Variants in BTG4 observed in about 807,000 individuals in gnomAD.
BTG4 encodes the protein protein BTG4.
BTG4 carries 10 observed loss-of-function variants against 19.3 expected under a neutral mutation model. The observed-to-expected ratio is 0.52, with a 90% CI of 0.32 to 0.88. The LOEUF (loss-of-function observed/expected upper bound fraction) is 0.88, where lower values mean the gene tolerates loss of function less well. BTG4 is among the 40% of genes least tolerant of loss of function. The pLI, the probability that BTG4 is intolerant of heterozygous loss-of-function variation, is 0.04. For synonymous variants in BTG4, 91 were observed against 95.7 expected (o/e 0.95, Z 0.29); for missense variants, 238 against 281.9 (o/e 0.84, Z 1.11).
chr11:111,499,343 G>C (rs1000340503), intron 1 of BTG4, among the ~76,000 whole-genome samples: 1 of 152,162 alleles, frequency 6.6e-6, no homozygotes, highest in Non-Finnish European at 1.5e-5. Context: ...TCGTGAGTTC[G>C]AGGCTGAAGT....
chr11:111,480,199 T>A (rs903298939), intron 5 of BTG4, among the ~76,000 whole-genome samples: 1 of 152,220 alleles, frequency 6.6e-6, no homozygotes, highest in Admixed American at 6.5e-5. Flanking sequence ...GCTATATTAA[T>A]ATCAGATAAA....
At chr11:111,491,948 C>T (rs1321530497), downstream of BTG4, among the ~76,000 whole-genome samples, 1 of 151,666 alleles carries the variant, frequency 6.6e-6, no homozygotes, top group Non-Finnish European at 1.5e-5. Flanking sequence ...TATATTTTTT[C>T]CCCTACACAT....
rs1280999198 is a variant in BTG4, at chr11:111,495,323, A to C, written c.511-9T>G. On this transcript the variant is annotated splice_polypyrimidine_tract_variant and intron_variant, in intron 4 of 4. Coordinates refer to ENST00000692032, the MANE Select transcript of BTG4 (RefSeq NM_001367975.1). The stretch of plus-strand genomic sequence containing the variant: ...TGTTTCAAGTTTTCAACCTGGAAAA[A>C]AAAAGTATAAAGATCTCTAATAAGC... 6.2e-7 allele frequency: 1 copy of C among 1,605,790 alleles called. No individual in the cohort carries two copies. Among genetic ancestry groups the C allele is most frequent in the Non-Finnish European group, 8.5e-7 (1 of 1,174,592 alleles).
the BTG4 span, among the ~76,000 whole-genome samples, chr11:111,445,667 A>C: frequency 1.1e-3 from 166 of 152,276 alleles, no homozygotes; most frequent in African/African-American, 3.6e-3. Context: ...TTTAATTTAA[A>C]CTTCAACCTG....
chr11:111,433,789 G>T, the BTG4 span, among the ~76,000 whole-genome samples: 1 of 152,114 alleles, frequency 6.6e-6, no homozygotes. Flanking sequence ...TAGCCAACAG[G>T]CATATGAAAA....
upstream of BTG4, chr11:111,514,632 C>A (rs528590148): frequency 1.6e-4 from 103 of 629,224 alleles, no homozygotes; most frequent in South Asian, 1.1e-3. Context: ...GGGCTTCCGA[C>A]GGCCCCCACG....
intron 1 of BTG4, among the ~76,000 whole-genome samples, chr11:111,508,366 C>CTTT (rs5794754): frequency 6.8e-6 from 1 of 146,312 alleles, no homozygotes. Flanking sequence ...ACTCCCTGGG[C>CTTT]TTTTTTTTTT....
upstream of BTG4, chr11:111,514,538 G>C (rs1365293266): frequency 2.0e-6 from 1 of 491,972 alleles, no homozygotes; most frequent in Admixed American, 3.3e-5. Flanking sequence ...CACTGACTCC[G>C]ACAGGACACA....
chr11:111,434,597 C>CT, the BTG4 span, among the ~76,000 whole-genome samples: 1 of 149,686 alleles, frequency 6.7e-6, no homozygotes, highest in Non-Finnish European at 1.5e-5. Context: ...AGCCACTATA[C>CT]TTTAAAAAAA....
At chr11:111,477,689 A>G (rs891449737) in intron 5 of BTG4, among the ~76,000 whole-genome samples, 1 of 152,086 alleles carries the variant, frequency 6.6e-6, no homozygotes, top group Non-Finnish European at 1.5e-5. Context: ...TTCTTTCCCC[A>G]TCGTATATTC....
At chr11:111,504,101 C>T (rs963521050) in intron 1 of BTG4, among the ~76,000 whole-genome samples, 5 of 152,104 alleles carry the variant, frequency 3.3e-5, no homozygotes, top group African/African-American at 9.7e-5. Context: ...TCCGTAGTCT[C>T]ACCCCTCCAT....
chr11:111,407,270 A>G, the BTG4 span, among the ~76,000 whole-genome samples: 2 of 150,372 alleles, frequency 1.3e-5, no homozygotes. Context: ...CATATATTAT[A>G]TATACTATTA....
the BTG4 span, among the ~76,000 whole-genome samples, chr11:111,439,933 T>C: frequency 3.3e-5 from 5 of 152,238 alleles, no homozygotes; most frequent in East Asian, 1.9e-4. Context: ...CCCAGCCATC[T>C]TGGTTATCTG....
intron 5 of BTG4, among the ~76,000 whole-genome samples, chr11:111,487,404 T>C (rs765284958): frequency 3.9e-5 from 6 of 152,146 alleles, no homozygotes; most frequent in Non-Finnish European, 8.8e-5. Flanking sequence ...GCACTCAAAA[T>C]TCAACATCCC....
the BTG4 span, among the ~76,000 whole-genome samples, chr11:111,422,254 C>T: frequency 6.6e-6 from 1 of 152,282 alleles, no homozygotes. Flanking sequence ...AGCTCAATCT[C>T]AACCTAAATA....
the BTG4 span, among the ~76,000 whole-genome samples, chr11:111,400,499 G>A: frequency 6.6e-6 from 1 of 152,160 alleles, no homozygotes; most frequent in African/African-American, 2.4e-5. Context: ...CATATTAAAT[G>A]TCTGAACTTT....
At chr11:111,469,055 T>A (rs1400975811) in intron 5 of BTG4, 1 of 152,222 alleles carries the variant, frequency 6.6e-6, no homozygotes, top group African/African-American at 2.4e-5. Flanking sequence ...TCCCCGGTCA[T>A]CTGAATCTTC....
chr11:111,507,059 T>C (rs778801805), intron 1 of BTG4, among the ~76,000 whole-genome samples: 88 of 151,730 alleles, frequency 5.8e-4, no homozygotes, highest in Non-Finnish European at 1.0e-3. Context: ...TAACTAAATA[T>C]AAGTTTCCCA....
At chr11:111,448,853 C>CT in the BTG4 span, among the ~76,000 whole-genome samples, 6 of 150,438 alleles carry the variant, frequency 4.0e-5, no homozygotes, top group Non-Finnish European at 5.9e-5. Flanking sequence ...AAATAACAAA[C>CT]TTTTTTTTAG....
Sources: gnomAD v4.1 joint callset for allele counts (sites outside exome capture counted in the v4.1 genomes callset) on GRCh38, gnomAD v4.1.1 for gene constraint, MANE v1.5 for transcripts, NCBI Gene and HGNC (gene_info 2026-07-23, HGNC 2026-07-21) for gene names.